SLC2A5: variants seen among roughly 807,000 people sequenced by gnomAD.
SLC2A5 encodes solute carrier family 2 member 5, also known as solute carrier family 2, facilitated glucose transporter member 5.
A neutral mutation model predicts 50.3 loss-of-function variants in SLC2A5; 56 were observed. The observed-to-expected ratio is 1.11, with a 90% CI of 0.90 to 1.39. The LOEUF (loss-of-function observed/expected upper bound fraction) is 1.39. Among genes scored for constraint, SLC2A5 ranks in the 40% most tolerant of loss-of-function variants. SLC2A5 has a pLI of 0.00. For missense variants in SLC2A5, 566 were observed against 650.1 expected, an observed-to-expected ratio of 0.87 and a Z score of 1.41; for synonymous variants, 269 against 281.9, an observed-to-expected ratio of 0.95 and a Z score of 0.46.
intron 3 of SLC2A5, among the ~76,000 whole-genome samples, chr1:9,050,306 T>A (rs182527249): frequency 5.8e-4 from 88 of 151,590 alleles, no homozygotes; most frequent in Non-Finnish European, 1.1e-3. Context: ...ATTCAAAAAT[T>A]TGCTGGGCAC....
At chr1:9,054,484 G>A (rs762890795) in intron 3 of SLC2A5, among the ~76,000 whole-genome samples, 3 of 152,108 alleles carry the variant, frequency 2.0e-5, no homozygotes, top group African/African-American at 4.8e-5. Context: ...GAAGAGTAAA[G>A]GAGCATGAAT....
intron 4 of SLC2A5, among the ~76,000 whole-genome samples, chr1:9,045,629 T>C (rs1641414666): frequency 6.6e-6 from 1 of 152,050 alleles, no homozygotes; most frequent in Non-Finnish European, 1.5e-5. Context: ...GGCTCACGCC[T>C]GTAATCCCAG....
chr1:9,050,987 A>G (rs1176727301), intron 3 of SLC2A5, among the ~76,000 whole-genome samples: 2 of 152,188 alleles, frequency 1.3e-5, no homozygotes, highest in African/African-American at 2.4e-5. Flanking sequence ...GAGGTAAACC[A>G]ACAATTCTGG....
Position 9,038,031 on chromosome 1 carries a change from G to C in SLC2A5, c.1175-7C>G, listed in dbSNP as rs140779922. On this transcript the variant is annotated splice_polypyrimidine_tract_variant and splice_region_variant and intron_variant, in intron 10 of 11. Transcript: ENST00000377424. ...AGCAGCGCGGGTATGGGACCTGTAG[G>C]GGGAGGAGAGCAGCCTCCCTGAAGG... The C allele has an allele frequency of 1.4e-4, 229 of 1,613,470 alleles. 2 individuals are homozygous for C. The East Asian group carries it at 4.7e-3, about 33-fold the overall frequency.
chr1:9,041,726 G>C, intron 5 of SLC2A5, 59 bp downstream of exon 5: 1 of 1,613,674 alleles, frequency 6.2e-7, no homozygotes, highest in South Asian at 1.1e-5. Context: ...GGAACACAAG[G>C]AGGGGGCCAA....
At chr1:9,048,658 C>T (rs531029028) in intron 3 of SLC2A5, among the ~76,000 whole-genome samples, 11 of 151,966 alleles carry the variant, frequency 7.2e-5, no homozygotes, top group African/African-American at 2.4e-4. Flanking sequence ...GCCTAAGTTT[C>T]TTTCCTCCTT....
chr1:9,039,702 G>A, intron 7 of SLC2A5, 40 bp from the exon 8 acceptor site: 1 of 1,459,910 alleles, frequency 6.8e-7, no homozygotes, highest in African/African-American at 1.5e-5. Flanking sequence ...GCCCGGAGGA[G>A]GCGGCCTCGG....
At chr1:9,069,794 A>G (rs1018934656), upstream of SLC2A5, 2 of 534,920 alleles carry the variant, frequency 3.7e-6, no homozygotes, top group Non-Finnish European at 6.7e-6. Flanking sequence ...CATTGTCCTG[A>G]TGGAACAGTC....
chr1:9,047,745 C>G lies in SLC2A5; in HGVS notation c.294-11G>C. On this transcript the variant is annotated splice_polypyrimidine_tract_variant and intron_variant, in intron 3 of 11. Transcript: ENST00000377424. ...AGCAAGGCCCCTTTTCTGCAGAGGA[C>G]AAAATATCAGTTAGTTTTGCTGAAG... 6.2e-7 allele frequency: 1 copy of G among 1,611,398 alleles called. No homozygotes were observed. The highest frequency in any genetic ancestry group is 2.2e-5 in the East Asian group (1 of 44,802).
intron 1 of SLC2A5, among the ~76,000 whole-genome samples, chr1:9,086,111 A>T (rs963403713): frequency 6.6e-6 from 1 of 152,196 alleles, no homozygotes; most frequent in Non-Finnish European, 1.5e-5. Context: ...AATCTTCATG[A>T]TCACTTGGAT....
chr1:9,057,727 C>CG, intron 2 of SLC2A5, 119 bp from the exon 3 acceptor site: 5 of 830,916 alleles, frequency 6.0e-6, no homozygotes. Context: ...CCTTATTAAC[C>CG]GGGGGGTGAT....
At chr1:9,038,549 A>C (rs752038130) in intron 9 of SLC2A5, 43 bp from the exon 10 acceptor site, 25 of 1,552,964 alleles carry the variant, frequency 1.6e-5, no homozygotes, top group African/African-American at 2.7e-5. Flanking sequence ...CAGACAAGCT[A>C]GGACGGGACC....
chr1:9,059,292 G>A (rs571848975), intron 1 of SLC2A5, among the ~76,000 whole-genome samples: 5 of 151,602 alleles, frequency 3.3e-5, no homozygotes, highest in Admixed American at 1.3e-4. Flanking sequence ...ACAGGCACCC[G>A]CCACCACGCC....
At position 9,052,965 on chromosome 1, in the gene SLC2A5, CAAA is replaced by C. The variant is rs5772345; in HGVS notation, c.293+4480_293+4482del. On this transcript the variant is annotated intron_variant, in intron 3 of 11. Transcript: ENST00000377424. ...TGGGCGACAGAGTAAGACCATATTT[CAAA>C]AAAAAATATATATATATATATGTTT... 1.4e-3 allele frequency among the ~76,000 whole-genome samples: 94 copies of C among 66,000 alleles called. 1 individual carries two copies. Among genetic ancestry groups the C allele is most frequent in the Middle Eastern group, 7.8e-3 (1 of 128 alleles). The allele number at this position is 66,000 out of a possible 152,430, so 43.3% of individuals were successfully genotyped here. A position where few individuals can be genotyped will look rare whatever the true frequency, so the allele number is the denominator to read the frequency against.
At position 9,039,647 on chromosome 1, in the gene SLC2A5, C is replaced by T. The variant is rs1164837011; in HGVS notation, c.901G>A (p.Asp301Asn). 2 of 1,553,934 alleles carry T rather than the reference C, an allele frequency of 1.3e-6. No individual in the cohort carries two copies. Among genetic ancestry groups the T allele is most frequent in the Admixed American group, 1.9e-5 (1 of 51,812 alleles). ...SGVNAIYYYA[D>N]QIYLSAGVPE... ...ACGCCGGCGCTCAGGTAGATCTGGT[C>T]CGCGTAGTAGTAGATCTGCAAGGCA... The change falls in exon 8 of 12, where the codon GAC (aspartate) becomes AAC (asparagine). Residue 301 changes from aspartate (D) to asparagine (N), a missense_variant. Physicochemically the swap from Asp to Asn is conservative, Grantham distance 23. Coordinates refer to ENST00000377424, the MANE Select transcript of SLC2A5 (RefSeq NM_003039.3).
intron 3 of SLC2A5, among the ~76,000 whole-genome samples, chr1:9,053,462 TTATATATATTTATA>T (rs1641670025): frequency 6.4e-5 from 1 of 15,510 alleles, no homozygotes; most frequent in African/African-American, 2.9e-4. Flanking sequence ...TTTATATATA[TTATATATATTTATA>T]TATATTATAT....
chr1:9,081,087 A>G (rs142958668), intron 2 of SLC2A5, among the ~76,000 whole-genome samples: 1 of 151,986 alleles, frequency 6.6e-6, no homozygotes, highest in African/African-American at 2.4e-5. Context: ...AAAATACTAA[A>G]AACAAATAAA....
upstream of SLC2A5, among the ~76,000 whole-genome samples, chr1:9,070,869 G>C (rs374028328): frequency 1.3e-5 from 2 of 151,978 alleles, no homozygotes; most frequent in African/African-American, 4.8e-5. Context: ...GGTCGGGGGG[G>C]TCCCTATTCA....
chr1:9,066,192 G>A (rs1642077443), intron 1 of SLC2A5, among the ~76,000 whole-genome samples: 2 of 152,082 alleles, frequency 1.3e-5, no homozygotes, highest in Non-Finnish European at 2.9e-5. Context: ...AAAGCACTTC[G>A]GCATCTTTTT....
Sources: allele counts gnomAD v4.1 joint callset (sites outside exome capture counted in the v4.1 genomes callset), GRCh38; gene constraint gnomAD v4.1.1; transcripts MANE v1.5; gene names NCBI Gene and HGNC (gene_info 2026-07-23, HGNC 2026-07-21).